USH2A: variants seen among roughly 807,000 people sequenced by gnomAD.
The protein encoded by USH2A is usherin, also known as Usher syndrome 2A (autosomal recessive, mild).
USH2A carries 443 observed loss-of-function variants against 538.9 expected under a neutral mutation model. That is an observed-to-expected ratio of 0.82 (90% CI 0.76 to 0.89). The LOEUF (loss-of-function observed/expected upper bound fraction) is 0.89, where lower values mean the gene tolerates loss of function less well. USH2A is among the 40% of genes least tolerant of loss of function. The pLI is 0.00. For missense variants in USH2A, 6,633 were observed against 6,324.8 expected (o/e 1.05, Z -1.65); for synonymous variants, 2,413 against 2,273.5 (o/e 1.06, Z -1.75).
chr1:216,004,700 T>C (rs533931980), intron 32 of USH2A, among the ~76,000 whole-genome samples: 1 of 152,266 alleles, frequency 6.6e-6, no homozygotes, highest in East Asian at 1.9e-4. Flanking sequence ...TTTAAAGTAA[T>C]TTAAATGAGA....
At chr1:215,936,818 A>G (rs1666511346) in intron 37 of USH2A, among the ~76,000 whole-genome samples, 1 of 152,070 alleles carries the variant, frequency 6.6e-6, no homozygotes, top group South Asian at 2.1e-4. Flanking sequence ...TCCATTACCA[A>G]TGTGTCATTG....
intron 41 of USH2A, among the ~76,000 whole-genome samples, chr1:215,879,333 C>A (rs553097339): frequency 6.6e-6 from 1 of 152,166 alleles, no homozygotes; most frequent in South Asian, 2.1e-4. Flanking sequence ...CCACTTTCTA[C>A]GACTGTCAGA....
chr1:215,630,515 T>C (rs967130071), intron 70 of USH2A, among the ~76,000 whole-genome samples: 3 of 102,118 alleles, frequency 2.9e-5, no homozygotes, highest in Middle Eastern at 4.6e-3. Context: ...TATATATATA[T>C]ATATATATAT....
chr1:216,415,578 T>C (rs2039564994), intron 3 of USH2A, among the ~76,000 whole-genome samples: 1 of 145,370 alleles, frequency 6.9e-6, no homozygotes, highest in African/African-American at 2.6e-5. Flanking sequence ...TGCAGTGGCA[T>C]GATCATGGGT....
At chr1:216,015,523 C>A (rs1049376235) in intron 32 of USH2A, among the ~76,000 whole-genome samples, 2 of 152,190 alleles carry the variant, frequency 1.3e-5, no homozygotes, top group African/African-American at 4.8e-5. Context: ...AGCAATTAAC[C>A]ATCACTGAGA....
intron 35 of USH2A, among the ~76,000 whole-genome samples, chr1:215,975,495 G>A (rs1014433658): frequency 2.0e-5 from 3 of 152,092 alleles, no homozygotes; most frequent in Non-Finnish European, 4.4e-5. Flanking sequence ...GCTAGTTTTT[G>A]TATATGATGA....
At chr1:216,278,430 C>T (rs532835553) in intron 11 of USH2A, among the ~76,000 whole-genome samples, 1 of 152,278 alleles carries the variant, frequency 6.6e-6, no homozygotes, top group East Asian at 1.9e-4. Context: ...TACCCCAGGA[C>T]CTTTGTTCCT....
intron 4 of USH2A, among the ~76,000 whole-genome samples, chr1:216,352,885 T>C (rs897751442): frequency 2.6e-5 from 4 of 152,024 alleles, no homozygotes; most frequent in Admixed American, 6.6e-5. Context: ...ATCAGGATAA[T>C]GAGAAAGGAA....
At chr1:216,023,905 A>T (rs1338105443) in intron 32 of USH2A, among the ~76,000 whole-genome samples, 2 of 152,102 alleles carry the variant, frequency 1.3e-5, no homozygotes, top group Non-Finnish European at 2.9e-5. Context: ...GTAGAGTACA[A>T]AATGAAAAGC....
intron 11 of USH2A, among the ~76,000 whole-genome samples, chr1:216,279,561 C>T (rs2036733657): frequency 6.6e-6 from 1 of 152,098 alleles, no homozygotes; most frequent in Non-Finnish European, 1.5e-5. Flanking sequence ...AACTTTTACA[C>T]ATGTAAAATC....
At chr1:216,235,656 C>A (rs2035796064) in intron 13 of USH2A, among the ~76,000 whole-genome samples, 1 of 152,146 alleles carries the variant, frequency 6.6e-6, no homozygotes, top group African/African-American at 2.4e-5. Flanking sequence ...AGTACTTGTC[C>A]TGGGCATAAA....
chr1:216,295,220 A>T (rs1364242759), intron 9 of USH2A, among the ~76,000 whole-genome samples: 2 of 151,958 alleles, frequency 1.3e-5, no homozygotes, highest in East Asian at 3.9e-4. Context: ...AAAATAAAAA[A>T]ATATTGTCAA....
At chr1:215,835,348 T>C (rs1243335861) in intron 47 of USH2A, among the ~76,000 whole-genome samples, 1 of 152,048 alleles carries the variant, frequency 6.6e-6, no homozygotes, top group East Asian at 1.9e-4. Context: ...GAAAACTATG[T>C]TCAGTTTCCT....
intron 61 of USH2A, among the ~76,000 whole-genome samples, chr1:215,710,236 G>C (rs1313851247): frequency 2.0e-5 from 3 of 152,176 alleles, no homozygotes. Flanking sequence ...CTTGTCTCAT[G>C]TCTCTCTGAT....
intron 20 of USH2A, among the ~76,000 whole-genome samples, chr1:216,175,911 T>C (rs2034371881): frequency 6.6e-6 from 1 of 152,108 alleles, no homozygotes; most frequent in Non-Finnish European, 1.5e-5. Flanking sequence ...TTCCCTTGGC[T>C]GAGTAAGAGC....
At chr1:215,626,588 T>C (rs560501147) in intron 71 of USH2A, among the ~76,000 whole-genome samples, 1 of 152,302 alleles carries the variant, frequency 6.6e-6, no homozygotes, top group East Asian at 1.9e-4. Flanking sequence ...TGCCAAGTAC[T>C]GGCACCTTCA....
At chr1:215,629,164 G>T (rs1446745417) in intron 70 of USH2A, 129 bp from the exon 71 acceptor site, 8 of 998,702 alleles carry the variant, frequency 8.0e-6, no homozygotes, top group Non-Finnish European at 1.2e-5. Flanking sequence ...CATTGTCAAT[G>T]AAGGGAACAA....
chr1:215,683,255 GCA>G (rs71167831), intron 61 of USH2A, among the ~76,000 whole-genome samples: 111,443 of 147,304 alleles, frequency 0.76, 41,428 homozygotes, highest in East Asian at 0.91. Flanking sequence ...ACACACACAC[GCA>G]CACACACACA....
chr1:216,289,928 A>T (rs765909499), intron 10 of USH2A, among the ~76,000 whole-genome samples: 4 of 152,072 alleles, frequency 2.6e-5, no homozygotes, highest in Non-Finnish European at 5.9e-5. Context: ...AGTGGCCATT[A>T]TTTTTCATTT....
Sources: allele counts gnomAD v4.1 joint callset (sites outside exome capture counted in the v4.1 genomes callset), GRCh38; gene constraint gnomAD v4.1.1; transcripts MANE v1.5; gene names NCBI Gene and HGNC (gene_info 2026-07-23, HGNC 2026-07-21).